The following GJB4 variants were observed in gnomAD, a reference collection of about 807,000 sequenced individuals.
GJB4 encodes gap junction protein beta 4, also known as gap junction beta-4 protein.
For synonymous variants in GJB4, 162 were observed against 158.1 expected (o/e 1.02, Z -0.18); for missense variants, 371 against 363.8 (o/e 1.02, Z -0.16).
chr1:34,761,846 A>T lies in GJB4; in HGVS notation c.592A>T (p.Ile198Phe). Residue 198 changes from isoleucine (I) to phenylalanine (F), a missense_variant, in exon 2 of 2, where the codon ATC (isoleucine) becomes TTC (phenylalanine). By Grantham distance (21) the Ile-to-Phe change is conservative (BLOSUM62 0). Transcript: ENST00000339480. This position sits in a 1 kb window ranked among gnomAD's most constrained non-coding sequence, Gnocchi z 4.4. ...YFMVTTAAICILLNLSEVFYL... is the reference protein window; with the variant it reads ...YFMVTTAAICFLLNLSEVFYL... ...CATGGTGACCACAGCTGCCATCTGCATCCTGCTCAACCTCAGTGAAGTCTT... is the reference window on the plus strand; with the variant it reads ...CATGGTGACCACAGCTGCCATCTGCTTCCTGCTCAACCTCAGTGAAGTCTT... 6.2e-7 allele frequency: 1 copy of T among 1,614,202 alleles called. No homozygotes were observed. The highest frequency in any genetic ancestry group is 2.2e-5 in the East Asian group (1 of 44,880).
Position 34,762,093 on chromosome 1 carries a change from C to CA in GJB4, c.*39dup, listed in dbSNP as rs745891365. The CA allele has an allele frequency of 2.1e-5, 32 of 1,548,262 alleles. No homozygotes were observed. The highest frequency in any genetic ancestry group is 2.7e-5 in the Non-Finnish European group (31 of 1,137,132). The stretch of plus-strand genomic sequence containing the variant: ...GCAGATAAGATCAACAGGTCCCCCC[C>CA]ACATGAGGCCACCCAGGAAAAAAGG... On this transcript the variant is annotated 3_prime_UTR_variant, in exon 2 of 2. Coordinates refer to ENST00000339480, the MANE Select transcript of GJB4 (RefSeq NM_153212.3).
In GJB4 at chr1:34,762,150, T is replaced by C. The variant is rs1571569185; in HGVS notation, c.*95T>C. On this transcript the variant is annotated 3_prime_UTR_variant, in exon 2 of 2. Coordinates refer to ENST00000339480, the MANE Select transcript of GJB4 (RefSeq NM_153212.3). ...CAGTGGCATCCTTGCCGTAGCAGGG[T>C]GGTGAGGAGGGTGGCTGTGGGGGCT... is the stretch of plus-strand genomic sequence containing the variant. 1 of 1,288,752 alleles carries C rather than the reference T, an allele frequency of 7.8e-7. No individual in the cohort carries two copies. The highest frequency in any genetic ancestry group is 1.1e-6 in the Non-Finnish European group (1 of 910,132). 79.8% of individuals were successfully genotyped at this position (1,288,752 alleles called of 1,614,324 possible).
chr1:34,761,947 C>T lies in GJB4; in HGVS notation c.693C>T (p.Pro231=), dbSNP rs565868320. The change falls in exon 2 of 2, where the codon CCC becomes CCT. Residue 231 remains proline, a synonymous_variant. Coordinates refer to ENST00000339480, the MANE Select transcript of GJB4 (RefSeq NM_153212.3). The surrounding 1 kb of genome is among the most constrained non-coding windows in gnomAD (Gnocchi z 4.4). ...GGCCTCGGTGCCGGGAATGCCTACC[C>T]GATACGTGCCCACCATATGTCCTCT... The part of the protein sequence containing the change: ...HRRPRCRECL[P]DTCPPYVLSQ... 1.3e-4 allele frequency: 205 copies of T among 1,614,114 alleles called. 3 individuals carry two copies. In the South Asian group the frequency reaches 2.0e-3, roughly 16 times the overall value.
In GJB4 at chr1:34,761,504, G is replaced by A. The variant is rs773583740; in HGVS notation, c.250G>A (p.Val84Ile). 1.3e-5 allele frequency: 21 copies of A among 1,614,052 alleles called. No homozygotes were observed. The highest frequency in any genetic ancestry group is 5.5e-5 in the South Asian group (5 of 91,082). Residue 84 changes from valine to isoleucine, a missense_variant, in exon 2 of 2, where the codon GTC (valine) becomes ATC (isoleucine). Coordinates refer to ENST00000339480, the MANE Select transcript of GJB4 (RefSeq NM_153212.3). This position sits in a 1 kb window ranked among gnomAD's most constrained non-coding sequence, Gnocchi z 4.4. ...VRLWALQLIL[V>I]TCPSLLVVMH... ...CCTCTGGGCCCTACAGCTCATCCTG[G>A]TCACGTGCCCCTCACTGCTCGTGGT...
Position 34,761,807 on chromosome 1 carries a change from G to T in GJB4, c.553G>T (p.Val185Phe). 1.2e-6 allele frequency: 2 copies of T among 1,614,148 alleles called. No individual in the cohort carries two copies. The highest frequency in any genetic ancestry group is 1.7e-6 in the Non-Finnish European group (2 of 1,180,038). The change falls in exon 2 of 2, where the codon GTC becomes TTC. Residue 185 changes from valine to phenylalanine, a missense_variant. Physicochemically the swap from Val to Phe is conservative, Grantham distance 50 (BLOSUM62 -1). Coordinates refer to ENST00000339480, the MANE Select transcript of GJB4 (RefSeq NM_153212.3). This position sits in a 1 kb window ranked among gnomAD's most constrained non-coding sequence, Gnocchi z 4.4. Reference sequence around the variant, plus strand: ...CATCTCCCGGCCCACGGAGAAGAAGGTCTTCACCTACTTCATGGTGACCAC... The same window carrying T: ...CATCTCCCGGCCCACGGAGAAGAAGTTCTTCACCTACTTCATGGTGACCAC... ...CYISRPTEKKVFTYFMVTTAA... is the reference protein window; with the variant it reads ...CYISRPTEKKFFTYFMVTTAA...
Position 34,761,840 on chromosome 1 carries a change from A to T in GJB4, c.586A>T (p.Ile196Phe), listed in dbSNP as rs1265807493. 6.2e-7 allele frequency: 1 copy of T among 1,614,056 alleles called. No homozygotes were observed. The highest frequency in any genetic ancestry group is 2.2e-5 in the East Asian group (1 of 44,896). ...CTACTTCATGGTGACCACAGCTGCC[A>T]TCTGCATCCTGCTCAACCTCAGTGA... ...FTYFMVTTAA[I>F]CILLNLSEVF... is the part of the protein sequence containing the mutation. Residue 196 changes from isoleucine to phenylalanine, a missense_variant, in exon 2 of 2, where the codon ATC becomes TTC. Physicochemically the swap from Ile to Phe is conservative, Grantham distance 21. Coordinates refer to ENST00000339480, the MANE Select transcript of GJB4 (RefSeq NM_153212.3). This position sits in a 1 kb window ranked among gnomAD's most constrained non-coding sequence, Gnocchi z 4.4.
In GJB4 at chr1:34,761,766, A is replaced by C. The variant is rs537606599; in HGVS notation, c.512A>C (p.His171Pro). ...VVACSVEPCP[H>P]TVDCYISRPT... ...GCCTGCTCCGTGGAGCCTTGCCCCC[A>C]CACTGTGGACTGTTACATCTCCCGG... Residue 171 changes from histidine to proline, a missense_variant, in exon 2 of 2, where the codon CAC becomes CCC. His to Pro is a moderately conservative substitution (Grantham distance 77). Coordinates refer to ENST00000339480, the MANE Select transcript of GJB4 (RefSeq NM_153212.3). This position sits in a 1 kb window ranked among gnomAD's most constrained non-coding sequence, Gnocchi z 4.4. 4.0e-5 allele frequency: 64 copies of C among 1,614,046 alleles called. No individual in the cohort carries two copies. In the South Asian group the frequency reaches 6.9e-4, roughly 17 times the overall value.
Position 34,761,530 on chromosome 1 carries a change from C to T in GJB4, c.276C>T (p.Val92=), listed in dbSNP as rs1322269853. 6.2e-7 allele frequency: 1 copy of T among 1,614,080 alleles called. No individual in the cohort carries two copies. The highest frequency in any genetic ancestry group is 1.3e-5 in the African/African-American group (1 of 74,938). Residue 92 remains valine, a synonymous_variant, in exon 2 of 2, where the codon GTC becomes GTT. Transcript: ENST00000339480. The surrounding 1 kb of genome is among the most constrained non-coding windows in gnomAD (Gnocchi z 4.4). ...TCACGTGCCCCTCACTGCTCGTGGT[C>T]ATGCACGTGGCCTACCGCGAGGAAC... The part of the protein sequence containing the change: ...ILVTCPSLLV[V]MHVAYREERE...
In GJB4 at chr1:34,762,285, A is replaced by G. The variant is rs1351644136; in HGVS notation, c.*230A>G. The G allele has an allele frequency of 8.1e-6, 5 of 616,104 alleles. No individual in the cohort carries two copies. The highest frequency in any genetic ancestry group is 6.0e-6 in the Non-Finnish European group (2 of 336,112). The allele number at this position is 616,104 out of a possible 1,614,324, so 38.2% of individuals were successfully genotyped here. On this transcript the variant is annotated 3_prime_UTR_variant, in exon 2 of 2. Transcript: ENST00000339480. The stretch of plus-strand genomic sequence containing the variant: ...GCTACTGGGGATTTTGTATATGGCA[A>G]CAGTATATGTCAAACCTCTTAATAA...
At chr1:34,760,633 C>T (rs1254883424) in intron 1 of GJB4, among the ~76,000 whole-genome samples, 1 of 152,154 alleles carries the variant, frequency 6.6e-6, no homozygotes, top group African/African-American at 2.4e-5. Flanking sequence ...GAGCCAGAGG[C>T]AAGGAGTAAG....
At position 34,762,105 on chromosome 1, in the gene GJB4, C is replaced by A. The variant is rs757149751; in HGVS notation, c.*50C>A. On this transcript the variant is annotated 3_prime_UTR_variant, in exon 2 of 2. Coordinates refer to ENST00000339480, the MANE Select transcript of GJB4 (RefSeq NM_153212.3). ...AACAGGTCCCCCCCACATGAGGCCA[C>A]CCAGGAAAAAAGGCAGGGGCAGTGG... The A allele has an allele frequency of 3.7e-5, 56 of 1,532,550 alleles. 1 individual carries two copies. The Admixed American group carries it at 9.6e-4, about 26-fold the overall frequency. The allele number at this position is 1,532,550 out of a possible 1,614,324, so 94.9% of individuals were successfully genotyped here.
At position 34,761,504 on chromosome 1, in the gene GJB4, G is replaced by C; in HGVS notation, c.250G>C (p.Val84Leu). The change falls in exon 2 of 2, where the codon GTC becomes CTC. Residue 84 changes from valine to leucine, a missense_variant. Val to Leu is a conservative substitution (Grantham distance 32). Transcript: ENST00000339480. This position sits in a 1 kb window ranked among gnomAD's most constrained non-coding sequence, Gnocchi z 4.4. ...VRLWALQLIL[V>L]TCPSLLVVMH... ...CCTCTGGGCCCTACAGCTCATCCTGGTCACGTGCCCCTCACTGCTCGTGGT... is the reference window on the plus strand; with the variant it reads ...CCTCTGGGCCCTACAGCTCATCCTGCTCACGTGCCCCTCACTGCTCGTGGT... 6.2e-7 allele frequency: 1 copy of C among 1,614,170 alleles called. No individual in the cohort carries two copies. The highest frequency in any genetic ancestry group is 2.2e-5 in the East Asian group (1 of 44,874).
rs76306134 is a variant in GJB4 at position 34,762,115 on chromosome 1, A to C, written c.*60A>C. On this transcript the variant is annotated 3_prime_UTR_variant, in exon 2 of 2. Coordinates refer to ENST00000339480, the MANE Select transcript of GJB4 (RefSeq NM_153212.3). ...CCCCACATGAGGCCACCCAGGAAAA[A>C]AGGCAGGGGCAGTGGCATCCTTGCC... The C allele has an allele frequency of 6.2e-3, 9,253 of 1,490,538 alleles. 530 individuals are homozygous for C. In the African/African-American group the frequency reaches 0.12, roughly 19 times the overall value. 92.3% of individuals were successfully genotyped at this position (1,490,538 alleles called of 1,614,324 possible). A position where few individuals can be genotyped will look rare whatever the true frequency, so the allele number is the denominator to read the frequency against.
chr1:34,761,765 C>T lies in GJB4; in HGVS notation c.511C>T (p.His171Tyr), dbSNP rs750400283. The change falls in exon 2 of 2, where the codon CAC (histidine) becomes TAC (tyrosine). Residue 171 changes from histidine to tyrosine, a missense_variant. Physicochemically the swap from His to Tyr is moderately conservative, Grantham distance 83 (BLOSUM62 2). Transcript: ENST00000339480. This position sits in a 1 kb window ranked among gnomAD's most constrained non-coding sequence, Gnocchi z 4.4. ...VVACSVEPCP[H>Y]TVDCYISRPT... is the part of the protein sequence containing the mutation. ...GGCCTGCTCCGTGGAGCCTTGCCCC[C>T]ACACTGTGGACTGTTACATCTCCCG... The T allele has an allele frequency of 6.2e-6, 10 of 1,614,110 alleles. No homozygotes were observed. Among genetic ancestry groups the T allele is most frequent in the South Asian group, 1.1e-5 (1 of 91,082 alleles).
intron 1 of GJB4, among the ~76,000 whole-genome samples, 184 bp from the exon 2 acceptor site, chr1:34,760,749 A>T (rs1639694834): frequency 6.6e-6 from 1 of 152,140 alleles, no homozygotes; most frequent in African/African-American, 2.4e-5. Flanking sequence ...CTGACAACTG[A>T]TAAGGATACG....
At chr1:34,760,138 A>G (rs748379311) in intron 1 of GJB4, among the ~76,000 whole-genome samples, 2 of 152,194 alleles carry the variant, frequency 1.3e-5, no homozygotes, top group Non-Finnish European at 2.9e-5. Flanking sequence ...TAAGACAGGT[A>G]AATAGACCAT....
At chr1:34,759,997 C>T (rs1639680326) in intron 1 of GJB4, among the ~76,000 whole-genome samples, 1 of 152,146 alleles carries the variant, frequency 6.6e-6, no homozygotes, top group Non-Finnish European at 1.5e-5. Context: ...GAGGGGGTAT[C>T]AGGAAGAAAT....
Position 34,761,274 on chromosome 1 carries a change from A to C in GJB4, c.20A>C (p.Gln7Pro). ...GCCAGCATGAACTGGGCATTTCTGC[A>C]GGGCCTGCTGAGTGGCGTGAACAAG... MNWAFLQGLLSGVNKYS... is the reference protein window; with the variant it reads MNWAFLPGLLSGVNKYS... Residue 7 changes from glutamine to proline, a missense_variant, in exon 2 of 2, where the codon CAG becomes CCG. By Grantham distance (76) the Gln-to-Pro change is moderately conservative. Coordinates refer to ENST00000339480, the MANE Select transcript of GJB4 (RefSeq NM_153212.3). This position sits in a 1 kb window ranked among gnomAD's most constrained non-coding sequence, Gnocchi z 4.4. 1.9e-6 allele frequency: 3 copies of C among 1,614,224 alleles called. No homozygotes were observed. Among genetic ancestry groups the C allele is most frequent in the South Asian group, 2.2e-5 (2 of 91,078 alleles).
In GJB4 at chr1:34,762,253, G is replaced by A. The variant is rs977040699; in HGVS notation, c.*198G>A. On this transcript the variant is annotated 3_prime_UTR_variant, in exon 2 of 2. Coordinates refer to ENST00000339480, the MANE Select transcript of GJB4 (RefSeq NM_153212.3). ...GGGTCCTGAGCCTCAGGGGAGGGAG[G>A]TTGATAGCTACTGGGGATTTTGTAT... 2 of 643,024 alleles carry A rather than the reference G, an allele frequency of 3.1e-6. No homozygotes were observed. The highest frequency in any genetic ancestry group is 3.6e-5 in the South Asian group (2 of 55,520). 39.8% of individuals were successfully genotyped at this position (643,024 alleles called of 1,614,324 possible). A position where few individuals can be genotyped will look rare whatever the true frequency, so the allele number is the denominator to read the frequency against.
Sources: gnomAD v4.1 joint callset for allele counts (sites outside exome capture counted in the v4.1 genomes callset) on GRCh38, gnomAD v4.1.1 for gene constraint, Gnocchi (gnomAD v3.1) non-coding constraint, MANE v1.5 for transcripts, NCBI Gene and HGNC (gene_info 2026-07-23, HGNC 2026-07-21) for gene names.